The following CACNA1E variants were observed in gnomAD, a reference collection of about 807,000 sequenced individuals.
The protein encoded by CACNA1E is voltage-dependent R-type calcium channel subunit alpha-1E.
CACNA1E carries 40 observed loss-of-function variants against 259.2 expected under a neutral mutation model. The observed-to-expected ratio is 0.15, with a 90% CI of 0.12 to 0.20. The LOEUF (loss-of-function observed/expected upper bound fraction) is 0.20. Among genes scored for constraint, CACNA1E ranks in the 10% least tolerant of loss-of-function variants. The pLI is 1.00. For synonymous variants in CACNA1E, 1,104 were observed against 1,138.5 expected (o/e 0.97, Z 0.61); for missense variants, 1,874 against 3,040.1 (o/e 0.62, Z 9.02).
At chr1:181,603,522 A>G (rs1227816381) in intron 6 of CACNA1E, among the ~76,000 whole-genome samples, 2 of 152,040 alleles carry the variant, frequency 1.3e-5, no homozygotes, top group African/African-American at 4.8e-5. Context: ...TGAACACTGT[A>G]ATTAGTATTT....
intron 1 of CACNA1E, among the ~76,000 whole-genome samples, chr1:181,345,691 A>G (rs886261195): frequency 1.3e-5 from 2 of 152,206 alleles, no homozygotes; most frequent in Non-Finnish European, 2.9e-5. Flanking sequence ...GAGATGAGCT[A>G]TCCAACAACC....
At chr1:181,679,829 G>A (rs1456878087) in intron 7 of CACNA1E, among the ~76,000 whole-genome samples, 1 of 152,172 alleles carries the variant, frequency 6.6e-6, no homozygotes, top group African/African-American at 2.4e-5. Context: ...CAAAGTCCGG[G>A]TGAGGCTGAT....
At chr1:181,507,748 C>A (rs944964270) in intron 1 of CACNA1E, among the ~76,000 whole-genome samples, 3 of 152,182 alleles carry the variant, frequency 2.0e-5, no homozygotes. Context: ...CCCACATAGA[C>A]CCATTAGAAT....
At chr1:181,742,682 G>A (rs1015387622) in intron 25 of CACNA1E, among the ~76,000 whole-genome samples, 7 of 152,158 alleles carry the variant, frequency 4.6e-5, no homozygotes, top group Admixed American at 2.0e-4. Flanking sequence ...TCACCGAGTC[G>A]GGGGAGTGAC....
intron 1 of CACNA1E, among the ~76,000 whole-genome samples, chr1:181,503,155 A>G (rs1665408978): frequency 6.6e-6 from 1 of 152,174 alleles, no homozygotes; most frequent in Admixed American, 6.5e-5. Flanking sequence ...AACTATTGCT[A>G]TGTCTGGGTT....
intron 38 of CACNA1E, among the ~76,000 whole-genome samples, chr1:181,778,903 C>T (rs1660184991): frequency 6.6e-6 from 1 of 152,210 alleles, no homozygotes; most frequent in Admixed American, 6.5e-5. Context: ...TTCCCTCATG[C>T]CAACTGTGCT....
Position 181,469,207 on chromosome 1 carries a change from G to A in CACNA1E, c.435-14537G>A, listed in dbSNP as rs1442776465. ...AACCTGGAAGAGGAAGATGGATGAG[G>A]AGACTCTGCCCATCTCCTGAATGGA... On this transcript the variant is annotated intron_variant, in intron 2 of 11. Transcript: ENST00000524607. Among the ~76,000 whole-genome samples, 3 of 152,132 alleles carry A rather than the reference G, an allele frequency of 2.0e-5. No homozygotes were observed. The East Asian group carries it at 5.8e-4, about 29-fold the overall frequency.
intron 27 of CACNA1E, among the ~76,000 whole-genome samples, chr1:181,754,208 C>T (rs1657860077): frequency 6.6e-6 from 1 of 152,178 alleles, no homozygotes; most frequent in Non-Finnish European, 1.5e-5. Flanking sequence ...GAGAAAGCAC[C>T]CTGCAACCTG....
intron 1 of CACNA1E, among the ~76,000 whole-genome samples, chr1:181,360,596 C>T (rs568602520): frequency 2.6e-5 from 4 of 152,148 alleles, no homozygotes; most frequent in South Asian, 2.1e-4. Flanking sequence ...TGACTACTCA[C>T]GGGTACAACA....
At chr1:181,407,267 G>T (rs1045293677) in intron 1 of CACNA1E, among the ~76,000 whole-genome samples, 1 of 152,108 alleles carries the variant, frequency 6.6e-6, no homozygotes, top group African/African-American at 2.4e-5. Context: ...GCAGGGAGTG[G>T]GGGTGGGTCA....
intron 1 of CACNA1E, among the ~76,000 whole-genome samples, chr1:181,346,933 A>G (rs190856156): frequency 6.6e-6 from 1 of 152,312 alleles, no homozygotes; most frequent in East Asian, 1.9e-4. Context: ...CATGCCCTGC[A>G]TCTGAGGTGC....
intron 3 of CACNA1E, among the ~76,000 whole-genome samples, chr1:181,571,395 G>A (rs1468089420): frequency 6.6e-6 from 1 of 152,208 alleles, no homozygotes; most frequent in Non-Finnish European, 1.5e-5. Flanking sequence ...TTAGGCAGGG[G>A]AGAGAAGGCA....
chr1:181,375,253 C>T (rs570218086), intron 1 of CACNA1E, among the ~76,000 whole-genome samples: 27 of 152,288 alleles, frequency 1.8e-4, no homozygotes, highest in African/African-American at 6.3e-4. Context: ...CAAATAACAC[C>T]TGTGGGAAAC....
chr1:181,740,233 C>T (rs1374732530), intron 25 of CACNA1E, among the ~76,000 whole-genome samples: 3 of 152,188 alleles, frequency 2.0e-5, no homozygotes, highest in Non-Finnish European at 4.4e-5. Flanking sequence ...GGCAGGAGAG[C>T]TTTCAGGAGC....
At chr1:181,530,972 T>A (rs549563183) in intron 3 of CACNA1E, among the ~76,000 whole-genome samples, 1 of 152,340 alleles carries the variant, frequency 6.6e-6, no homozygotes, top group East Asian at 1.9e-4. Flanking sequence ...GCCTATGGGT[T>A]GTATTTATTC....
At position 181,794,053 on chromosome 1, in the gene CACNA1E, A is replaced by G. The variant is rs1177715799; in HGVS notation, c.6027+260A>G. On this transcript the variant is annotated intron_variant, in intron 45 of 47. Transcript: ENST00000367573. ...AAACATTCTCAAGATTCAACCAGCC[A>G]TGCAAGAAATATTTTCCAGGATTTT... 7.2e-5 allele frequency among the ~76,000 whole-genome samples: 11 copies of G among 152,318 alleles called. No homozygotes were observed. The South Asian group carries it at 1.9e-3, about 26-fold the overall frequency.
At chr1:181,332,370 TTAAAA>T (rs1248205907) in intron 1 of CACNA1E, among the ~76,000 whole-genome samples, 1 of 152,322 alleles carries the variant, frequency 6.6e-6, no homozygotes, top group African/African-American at 2.4e-5. Context: ...TACCCTGAGC[TTAAAA>T]TAAAAGTTGG....
At chr1:181,730,009 C>A (rs1299197355) in intron 18 of CACNA1E, among the ~76,000 whole-genome samples, 1 of 152,152 alleles carries the variant, frequency 6.6e-6, no homozygotes, top group Non-Finnish European at 1.5e-5. Flanking sequence ...GAGGAGCTCA[C>A]AGGCTTCTCC....
chr1:181,603,561 G>GC (rs2103074448), intron 6 of CACNA1E, among the ~76,000 whole-genome samples: 1 of 121,464 alleles, frequency 8.2e-6, no homozygotes, highest in South Asian at 2.8e-4. Flanking sequence ...CCCCTCCCCC[G>GC]CCCCCGCCAA....
Sources: gnomAD v4.1 joint callset for allele counts (sites outside exome capture counted in the v4.1 genomes callset) on GRCh38, gnomAD v4.1.1 for gene constraint, MANE v1.5 for transcripts, NCBI Gene and HGNC (gene_info 2026-07-23, HGNC 2026-07-21) for gene names.